The following POLR3GL variants were observed in gnomAD, a reference collection of about 807,000 sequenced individuals.
POLR3GL encodes the protein RNA polymerase III subunit GL.
In POLR3GL, 26 loss-of-function variants were observed where a neutral mutation model predicts 32.4. That is an observed-to-expected ratio of 0.80 (90% CI 0.59 to 1.11). The LOEUF (loss-of-function observed/expected upper bound fraction) is 1.11. Ranked by LOEUF, POLR3GL falls within the 50% of genes most tolerant of loss-of-function variation. The pLI, the probability that POLR3GL is intolerant of heterozygous loss-of-function variation, is 0.00. For missense variants in POLR3GL, 229 were observed against 280.1 expected (o/e 0.82, Z 1.30); for synonymous variants, 95 against 98.7 (o/e 0.96, Z 0.22).
At chr1:145,968,869 C>T (rs921182740) in intron 1 of POLR3GL, among the ~76,000 whole-genome samples, 3 of 152,074 alleles carry the variant, frequency 2.0e-5, no homozygotes, top group Non-Finnish European at 2.9e-5. Flanking sequence ...CCACGCCCAG[C>T]CAACAAATTC....
At chr1:145,973,961 T>TTAAA (rs1553763033) in intron 1 of POLR3GL, among the ~76,000 whole-genome samples, 3 of 104,934 alleles carry the variant, frequency 2.9e-5, no homozygotes, top group Admixed American at 1.0e-4. Context: ...TCCAGTCTCT[T>TTAAA]AAAAAAAAAA....
intron 1 of POLR3GL, among the ~76,000 whole-genome samples, chr1:145,968,492 A>G (rs1323201613): frequency 1.3e-5 from 2 of 151,986 alleles, no homozygotes; most frequent in Non-Finnish European, 2.9e-5. Flanking sequence ...CCAGAACTAT[A>G]TCTGTCAAGT....
In POLR3GL at chr1:145,978,463, C is replaced by A; in HGVS notation, c.*16C>A. 6.6e-7 allele frequency: 1 copy of A among 1,507,222 alleles called. No homozygotes were observed. Among genetic ancestry groups the A allele is most frequent in the Middle Eastern group, 1.7e-4 (1 of 5,858 alleles). 93.4% of individuals were successfully genotyped at this position (1,507,222 alleles called of 1,614,324 possible). ...TATATACTGAAGAAGGACTCTGGACCCTCGTGTCTTTCTTTAGGATACAGA... is the reference window on the plus strand; with the variant it reads ...TATATACTGAAGAAGGACTCTGGACACTCGTGTCTTTCTTTAGGATACAGA... On this transcript the variant is annotated 3_prime_UTR_variant, in exon 8 of 8. Coordinates refer to ENST00000369314, the MANE Select transcript of POLR3GL (RefSeq NM_032305.3).
In POLR3GL at chr1:145,978,656, A is replaced by G; in HGVS notation, c.*209A>G. ...ACCTTTGCTATCTTGGGGAAAGTGC[A>G]AAGGACAAACATCTCAATTGTATGA... On this transcript the variant is annotated 3_prime_UTR_variant, in exon 8 of 8. Transcript: ENST00000369314. The G allele has an allele frequency of 1.7e-6, 1 of 572,936 alleles. No individual in the cohort carries two copies. The highest frequency in any genetic ancestry group is 3.1e-6 in the Non-Finnish European group (1 of 320,868). The allele number at this position is 572,936 out of a possible 1,614,324, so 35.5% of individuals were successfully genotyped here.
rs1171784204 is a variant in POLR3GL, at chr1:145,975,372, G to A, written c.192G>A (p.Lys64=). 2.5e-5 allele frequency: 41 copies of A among 1,614,190 alleles called. No individual in the cohort carries two copies. Among genetic ancestry groups the A allele is most frequent in the Non-Finnish European group, 3.5e-5 (41 of 1,180,006 alleles). Residue 64 remains lysine, a synonymous_variant, in exon 3 of 8, where the codon AAG becomes AAA. Coordinates refer to ENST00000369314, the MANE Select transcript of POLR3GL (RefSeq NM_032305.3). ...AAGGGGAATATGTCCTGGCACTGAA[G>A]CAAGAGCTACGAGGAGCCATGAGGC... ...GEEGEYVLAL[K]QELRGAMRQL...
At chr1:145,977,628 C>T in intron 5 of POLR3GL, 89 bp downstream of exon 5, 1 of 1,366,874 alleles carries the variant, frequency 7.3e-7, no homozygotes, top group Non-Finnish European at 1.0e-6. Flanking sequence ...CCTTCCATCC[C>T]AGTTCCTATA....
intron 1 of POLR3GL, among the ~76,000 whole-genome samples, chr1:145,969,780 A>G (rs1553762387): frequency 1.3e-5 from 2 of 150,996 alleles, no homozygotes; most frequent in East Asian, 4.0e-4. Context: ...TTAGCTAAGC[A>G]TGGTGGTGGG....
At position 145,974,894 on chromosome 1, in the gene POLR3GL, GTGGCCGGGGCCA is replaced by G. The variant is rs1250016922; in HGVS notation, c.30_41del (p.Gly11_Gln14del). On this transcript the variant is annotated inframe_deletion, in exon 2 of 8. Coordinates refer to ENST00000369314, the MANE Select transcript of POLR3GL (RefSeq NM_032305.3). ...GCCAGCCGGGGTGGGGGCCGGGGTC[GTGGCCGGGGCCA>G]GTTGACCTTCAACGTGGAGGCCGTG... 6.6e-7 allele frequency: 1 copy of G among 1,518,730 alleles called. No homozygotes were observed. Among genetic ancestry groups the G allele is most frequent in the East Asian group, 2.6e-5 (1 of 38,800 alleles). The allele number at this position is 1,518,730 out of a possible 1,614,324, so 94.1% of individuals were successfully genotyped here.
At chr1:145,970,401 C>G (rs1484387814) in intron 1 of POLR3GL, among the ~76,000 whole-genome samples, 1 of 152,182 alleles carries the variant, frequency 6.6e-6, no homozygotes, top group Non-Finnish European at 1.5e-5. Flanking sequence ...CCACCCCAGC[C>G]TCCCAGAGTG....
At chr1:145,973,020 GGTT>G (rs1213603695) in intron 1 of POLR3GL, among the ~76,000 whole-genome samples, 3 of 152,052 alleles carry the variant, frequency 2.0e-5, no homozygotes, top group African/African-American at 7.2e-5. Context: ...ATGTGAGTGT[GGTT>G]GTTGTTTTGA....
Position 145,971,362 on chromosome 1 carries a change from G to A in POLR3GL, c.-41-3463G>A, listed in dbSNP as rs1650285113. 2.6e-5 allele frequency among the ~76,000 whole-genome samples: 4 copies of A among 151,712 alleles called. No homozygotes were observed. In the South Asian group the frequency reaches 8.3e-4, roughly 32 times the overall value. ...ATTCCACATTATATTTAGTTGTCAC[G>A]TCTCCTTAGGCTCCTCTTAAGTGTG... On this transcript the variant is annotated intron_variant, in intron 1 of 7. Transcript: ENST00000369314.
intron 1 of POLR3GL, among the ~76,000 whole-genome samples, chr1:145,968,761 C>T (rs1650149595): frequency 6.6e-6 from 1 of 151,704 alleles, no homozygotes; most frequent in African/African-American, 2.4e-5. Context: ...TTAGTAGAGA[C>T]GGGGTTTCAC....
intron 1 of POLR3GL, among the ~76,000 whole-genome samples, chr1:145,968,249 A>T (rs587666755): frequency 6.6e-6 from 1 of 152,334 alleles, no homozygotes; most frequent in Non-Finnish European, 1.5e-5. Context: ...TTTTAACTCC[A>T]TCACAATCTT....
intron 1 of POLR3GL, among the ~76,000 whole-genome samples, chr1:145,966,714 A>AGGAGGT (rs1488943421): frequency 6.6e-6 from 1 of 152,036 alleles, no homozygotes; most frequent in Non-Finnish European, 1.5e-5. Flanking sequence ...ACTTGAACCC[A>AGGAGGT]GGAGGTGGAG....
intron 1 of POLR3GL, among the ~76,000 whole-genome samples, chr1:145,971,185 C>CAAAAAA (rs36126138): frequency 1.1e-5 from 1 of 90,638 alleles, no homozygotes; most frequent in Non-Finnish European, 2.0e-5. Flanking sequence ...AACTCCATCT[C>CAAAAAA]AAAAAAAAAA....
In POLR3GL at chr1:145,974,957, C is replaced by T; in HGVS notation, c.92C>T (p.Pro31Leu). 2 of 1,517,836 alleles carry T rather than the reference C, an allele frequency of 1.3e-6. No homozygotes were observed. The highest frequency in any genetic ancestry group is 1.8e-6 in the Non-Finnish European group (2 of 1,138,122). 94.0% of individuals were successfully genotyped at this position (1,517,836 alleles called of 1,614,324 possible). Residue 31 changes from proline (P) to leucine (L), a missense_variant, in exon 2 of 8, where the codon CCC (proline) becomes CTC (leucine). Pro to Leu is a moderately conservative substitution (Grantham distance 98). Coordinates refer to ENST00000369314, the MANE Select transcript of POLR3GL (RefSeq NM_032305.3). ...GGCATTGGGAAAGGGGATGCTTTGC[C>T]CCCACCCACCCTGCAGCCTTCTCCA... ...AVGIGKGDAL[P>L]PPTLQPSPLF...
chr1:145,973,635 C>T (rs1553762982), intron 1 of POLR3GL, among the ~76,000 whole-genome samples: 1 of 151,486 alleles, frequency 6.6e-6, no homozygotes, highest in East Asian at 1.9e-4. Flanking sequence ...TCACTTGAGC[C>T]TGGGAGGCAG....
Position 145,973,027 on chromosome 1 carries a change from G to A in POLR3GL, c.-41-1798G>A, listed in dbSNP as rs147412356. Among the ~76,000 whole-genome samples the A allele has an allele frequency of 3.3e-3, 497 of 152,242 alleles. 1 individual carries two copies. The highest frequency in any genetic ancestry group is 5.2e-3 in the Non-Finnish European group (357 of 68,016). The stretch of plus-strand genomic sequence containing the variant: ...CCATCAATATGTGAGTGTGGTTGTT[G>A]TTTTGAGCACCTCCTTACTTTTTGG... On this transcript the variant is annotated intron_variant, in intron 1 of 7. Coordinates refer to ENST00000369314, the MANE Select transcript of POLR3GL (RefSeq NM_032305.3).
Position 145,977,763 on chromosome 1 carries a change from T to C in POLR3GL, c.383-15T>C, listed in dbSNP as rs1553763719. ...ATTTGCTCTCTGAAGGTTTACCTTT[T>C]GATCCCTCCACCAGGGATTACAATT... On this transcript the variant is annotated splice_polypyrimidine_tract_variant and intron_variant, in intron 5 of 7. Coordinates refer to ENST00000369314, the MANE Select transcript of POLR3GL (RefSeq NM_032305.3). 1.2e-6 allele frequency: 2 copies of C among 1,613,386 alleles called. No individual in the cohort carries two copies. Among genetic ancestry groups the C allele is most frequent in the Non-Finnish European group, 8.5e-7 (1 of 1,179,396 alleles).
Sources: allele counts gnomAD v4.1 joint callset (sites outside exome capture counted in the v4.1 genomes callset), GRCh38; gene constraint gnomAD v4.1.1; transcripts MANE v1.5; gene names NCBI Gene and HGNC (gene_info 2026-07-23, HGNC 2026-07-21).